The following PCDHGA4 variants were observed in gnomAD, a reference collection of about 807,000 sequenced individuals.
The protein encoded by PCDHGA4 is protocadherin gamma-A4.
A neutral mutation model predicts 54.6 loss-of-function variants in PCDHGA4; 38 were observed. The observed-to-expected ratio is 0.70, with a 90% CI of 0.54 to 0.91. PCDHGA4 has a LOEUF of 0.91. Ranked by LOEUF, PCDHGA4 falls within the 40% of genes least tolerant of loss-of-function variation. The pLI is 0.00. For synonymous variants in PCDHGA4, 511 were observed against 512.9 expected, an observed-to-expected ratio of 1.00 and a Z score of 0.05; for missense variants, 1,298 against 1,220.9, an observed-to-expected ratio of 1.06 and a Z score of -0.94.
At chr5:141,499,689 CTTTTTTTTTTT>C in intron 2 of PCDHGA4, among the ~76,000 whole-genome samples, 1 of 119,852 alleles carries the variant, frequency 8.3e-6, no homozygotes, top group Non-Finnish European at 1.7e-5. Context: ...TAACAGATGA[CTTTTTTTTTTT>C]TTTTTTTTTT....
chr5:141,399,617 TGGCCTCTTACGTGTCCATGAGC>T, intron 1 of PCDHGA4: 4 of 1,613,944 alleles, frequency 2.5e-6, no homozygotes. Flanking sequence ...CCTCTGGCAC[TGGCCTCTTACGTGTCCATGAGC>T]GCGCAAAGTG....
At chr5:141,358,102 A>G (rs1359136399) in intron 1 of PCDHGA4, among the ~76,000 whole-genome samples, 1 of 152,204 alleles carries the variant, frequency 6.6e-6, no homozygotes, top group Admixed American at 6.5e-5. Flanking sequence ...AGGCATGAGA[A>G]TTGCTTGAAC....
intron 1 of PCDHGA4, chr5:141,441,780 C>A: frequency 2.6e-6 from 1 of 391,236 alleles, no homozygotes. Flanking sequence ...GGTGGACGAC[C>A]TGAATGACAA....
intron 1 of PCDHGA4, chr5:141,422,609 A>G: frequency 6.2e-7 from 1 of 1,613,882 alleles, no homozygotes; most frequent in Non-Finnish European, 8.5e-7. Context: ...TACTCTGCCT[A>G]CATTCCCGAA....
At chr5:141,378,814 T>C (rs915920148) in intron 1 of PCDHGA4, 6 of 152,232 alleles carry the variant, frequency 3.9e-5, no homozygotes, top group Non-Finnish European at 8.8e-5. Flanking sequence ...AACAGAATCA[T>C]TGTTTCATGA....
intron 1 of PCDHGA4, chr5:141,383,459 A>G: frequency 6.2e-7 from 1 of 1,613,900 alleles, no homozygotes; most frequent in Non-Finnish European, 8.5e-7. Context: ...AGTGGAGACG[A>G]TGAAACTAAG....
intron 1 of PCDHGA4, chr5:141,410,121 A>G (rs1239244343): frequency 1.9e-6 from 3 of 1,612,642 alleles, no homozygotes; most frequent in Non-Finnish European, 2.5e-6. Flanking sequence ...GCAGCCCGCC[A>G]GCGCCTGCTG....
rs372676262 is a variant in PCDHGA4 at position 141,404,832 on chromosome 5, G to A, written c.2514+47211G>A. On this transcript the variant is annotated intron_variant, in intron 1 of 3. Coordinates refer to ENST00000571252, the MANE Select transcript of PCDHGA4 (RefSeq NM_018917.4). ...GTGGGGCTGCACACAGGTGAAGTGCGCACAGCTCGGGCCCTGCTAGATAGA... is the reference window on the plus strand; with the variant it reads ...GTGGGGCTGCACACAGGTGAAGTGCACACAGCTCGGGCCCTGCTAGATAGA... 34 of 1,613,864 alleles carry A rather than the reference G, an allele frequency of 2.1e-5. No individual in the cohort carries two copies. Among genetic ancestry groups the A allele is most frequent in the Middle Eastern group, 1.6e-4 (1 of 6,062 alleles).
Position 141,511,380 on chromosome 5 carries a change from C to T in PCDHGA4, c.*207C>T, listed in dbSNP as rs896762148. 1.5e-5 allele frequency: 18 copies of T among 1,170,372 alleles called. No homozygotes were observed. The highest frequency in any genetic ancestry group is 3.0e-4 in the Middle Eastern group (1 of 3,384). 72.5% of individuals were successfully genotyped at this position (1,170,372 alleles called of 1,614,324 possible). ...GGGGTTGAATATGCAAAAGCAGTTC[C>T]GCTGGGAACCCCCATCCAATCAACT... is the stretch of plus-strand genomic sequence containing the variant. On this transcript the variant is annotated 3_prime_UTR_variant, in exon 4 of 4. Coordinates refer to ENST00000571252, the MANE Select transcript of PCDHGA4 (RefSeq NM_018917.4).
chr5:141,398,861 A>G, intron 1 of PCDHGA4: 1 of 1,613,990 alleles, frequency 6.2e-7, no homozygotes, highest in South Asian at 1.1e-5. Flanking sequence ...TTCAACCGAG[A>G]CGTGTACAGA....
chr5:141,453,288 A>ATTAT (rs577328880), intron 1 of PCDHGA4, among the ~76,000 whole-genome samples: 1,792 of 151,444 alleles, frequency 0.012, 41 homozygotes, highest in African/African-American at 0.034. Context: ...TAATTTTTTA[A>ATTAT]TTATTTATTT....
At chr5:141,395,034 G>A (rs772873954) in intron 1 of PCDHGA4, 21 of 1,614,032 alleles carry the variant, frequency 1.3e-5, no homozygotes, top group African/African-American at 5.3e-5. Context: ...CTCACATTTT[G>A]TGGGTGTTGA....
At chr5:141,371,044 G>C in intron 1 of PCDHGA4, 1 of 1,613,964 alleles carries the variant, frequency 6.2e-7, no homozygotes, top group Admixed American at 1.7e-5. Context: ...GCTGTGGATG[G>C]GGGCGAGCCC....
At position 141,432,156 on chromosome 5, in the gene PCDHGA4, C is replaced by A; in HGVS notation, c.2515-62651C>A. On this transcript the variant is annotated intron_variant, in intron 1 of 3. Transcript: ENST00000571252. This position sits in a 1 kb window ranked among gnomAD's most constrained non-coding sequence, Gnocchi z 6.0. Reference sequence around the variant, plus strand: ...TCCGCTTATATCCCAGAGAACAATCCCAGAGGAGTTTCCCTCGTCTCTGTG... The same window carrying A: ...TCCGCTTATATCCCAGAGAACAATCACAGAGGAGTTTCCCTCGTCTCTGTG... The A allele has an allele frequency of 6.2e-7, 1 of 1,614,142 alleles. No homozygotes were observed. Among genetic ancestry groups the A allele is most frequent in the East Asian group, 2.2e-5 (1 of 44,874 alleles).
chr5:141,448,166 A>G (rs1475687778), intron 1 of PCDHGA4, among the ~76,000 whole-genome samples: 2 of 151,978 alleles, frequency 1.3e-5, no homozygotes, highest in Non-Finnish European at 2.9e-5. Context: ...AAAGATCACT[A>G]CTATTCATCC....
At position 141,432,297 on chromosome 5, in the gene PCDHGA4, T is replaced by C. The variant is rs1339659774; in HGVS notation, c.2515-62510T>C. 3.1e-6 allele frequency: 5 copies of C among 1,614,040 alleles called. No individual in the cohort carries two copies. The highest frequency in any genetic ancestry group is 1.7e-5 in the Admixed American group (1 of 60,006). ...GTGTCCATCAACTCCGACACTGGGG[T>C]ACTGTATGCGCTGAGCTCCTTCGAC... On this transcript the variant is annotated intron_variant, in intron 1 of 3. Transcript: ENST00000571252. This position sits in a 1 kb window ranked among gnomAD's most constrained non-coding sequence, Gnocchi z 6.0.
At chr5:141,447,719 C>T (rs1333017511) in intron 1 of PCDHGA4, among the ~76,000 whole-genome samples, 2 of 152,226 alleles carry the variant, frequency 1.3e-5, no homozygotes, top group East Asian at 3.9e-4. Context: ...TACACATTTT[C>T]CAAAACTCAT....
chr5:141,476,187 G>T lies in PCDHGA4; in HGVS notation c.2515-18620G>T. 1 of 1,613,782 alleles carries T rather than the reference G, an allele frequency of 6.2e-7. No individual in the cohort carries two copies. The highest frequency in any genetic ancestry group is 8.5e-7 in the Non-Finnish European group (1 of 1,180,028). ...GTAGTGGGAGTTTTGCTTCTGCTTG[G>T]TGCCTTGAACAAGGCTTCCACGGTC... On this transcript the variant is annotated intron_variant, in intron 1 of 3. Transcript: ENST00000571252. This position sits in a 1 kb window ranked among gnomAD's most constrained non-coding sequence, Gnocchi z 7.6.
intron 1 of PCDHGA4, chr5:141,382,965 C>A (rs1186922348): frequency 2.5e-6 from 4 of 1,608,612 alleles, no homozygotes; most frequent in Non-Finnish European, 3.4e-6. Context: ...TCCTGGGGAC[C>A]CCCTGGGAAG....
Sources: gnomAD v4.1 joint callset for allele counts (sites outside exome capture counted in the v4.1 genomes callset) on GRCh38, gnomAD v4.1.1 for gene constraint, Gnocchi (gnomAD v3.1) non-coding constraint, MANE v1.5 for transcripts, NCBI Gene and HGNC (gene_info 2026-07-23, HGNC 2026-07-21) for gene names.